The following SH3RF3 variants were observed in gnomAD, a reference collection of about 807,000 sequenced individuals.
SH3RF3 encodes the protein E3 ubiquitin-protein ligase SH3RF3.
SH3RF3 carries 29 observed loss-of-function variants against 66.3 expected under a neutral mutation model. The observed-to-expected ratio is 0.44, with a 90% CI of 0.33 to 0.60. The LOEUF is 0.60. Ranked by LOEUF, SH3RF3 falls within the 20% of genes least tolerant of loss-of-function variation. SH3RF3 has a pLI of 0.04. For missense variants in SH3RF3, 1,194 were observed against 1,190.9 expected, an observed-to-expected ratio of 1.00 and a Z score of -0.04; for synonymous variants, 583 against 532.0, an observed-to-expected ratio of 1.10 and a Z score of -1.32.
intron 1 of SH3RF3, among the ~76,000 whole-genome samples, chr2:109,285,722 C>A (rs1410638202): frequency 6.6e-6 from 1 of 152,220 alleles, no homozygotes; most frequent in Non-Finnish European, 1.5e-5. Flanking sequence ...GTCCCTGAGC[C>A]TGGTCCAGTG....
chr2:109,431,902 C>A (rs929218319), intron 5 of SH3RF3, among the ~76,000 whole-genome samples: 1 of 152,078 alleles, frequency 6.6e-6, no homozygotes, highest in Non-Finnish European at 1.5e-5. Context: ...TTAACCATAG[C>A]ACAATTACTG....
intron 1 of SH3RF3, among the ~76,000 whole-genome samples, chr2:109,238,664 A>G (rs1679705822): frequency 6.6e-6 from 1 of 152,110 alleles, no homozygotes; most frequent in South Asian, 2.1e-4. Flanking sequence ...TGAATGGAGG[A>G]GGAGAGTGCT....
chr2:109,181,309 G>A (rs530763660), intron 1 of SH3RF3, among the ~76,000 whole-genome samples: 1 of 152,328 alleles, frequency 6.6e-6, no homozygotes, highest in South Asian at 2.1e-4. Context: ...TGGTACATTT[G>A]TCAAAACTAA....
At chr2:109,179,880 T>G (rs907294930) in intron 1 of SH3RF3, among the ~76,000 whole-genome samples, 1 of 152,186 alleles carries the variant, frequency 6.6e-6, no homozygotes, top group African/African-American at 2.4e-5. Context: ...GTGCTCCTTA[T>G]CGCAGGAAAA....
intron 1 of SH3RF3, among the ~76,000 whole-genome samples, chr2:109,264,443 G>A (rs1972285): frequency 0.31 from 47,336 of 152,028 alleles, 8,319 homozygotes; most frequent in Non-Finnish European, 0.4. Flanking sequence ...CCCCAAGTCT[G>A]TGTGTGCTCC....
At chr2:109,163,390 CTTTTTTTTT>C (rs70956302) in intron 1 of SH3RF3, among the ~76,000 whole-genome samples, 8 of 70,268 alleles carry the variant, frequency 1.1e-4, no homozygotes, top group African/African-American at 4.7e-4. Flanking sequence ...AGCAAATATT[CTTTTTTTTT>C]TTTTTTTTTT....
At chr2:109,204,371 CTT>C (rs1460465956) in intron 1 of SH3RF3, among the ~76,000 whole-genome samples, 11 of 152,212 alleles carry the variant, frequency 7.2e-5, no homozygotes, top group Middle Eastern at 3.2e-3. Flanking sequence ...CTTATCTTAT[CTT>C]TTAAATCATT....
rs933224955 is a variant in SH3RF3 at position 109,502,529 on chromosome 2, C to T, written c.*858C>T. On this transcript the variant is annotated 3_prime_UTR_variant, in exon 10 of 10. Coordinates refer to ENST00000309415, the MANE Select transcript of SH3RF3 (RefSeq NM_001099289.3). Reference sequence around the variant, plus strand: ...GCTTTGGGAGAGCGCCGAGAAGCCGCCATCCCGCACCTCAGCGCTGGCCAG... The same window carrying T: ...GCTTTGGGAGAGCGCCGAGAAGCCGTCATCCCGCACCTCAGCGCTGGCCAG... The T allele has an allele frequency of 3.3e-5, 5 of 152,176 alleles. No homozygotes were observed. Among genetic ancestry groups the T allele is most frequent in the African/African-American group, 1.2e-4 (5 of 41,448 alleles). 9.4% of individuals were successfully genotyped at this position (152,176 alleles called of 1,614,324 possible).
At chr2:109,248,270 T>A (rs140971468) in intron 1 of SH3RF3, among the ~76,000 whole-genome samples, 87 of 152,368 alleles carry the variant, frequency 5.7e-4, no homozygotes, top group African/African-American at 2.0e-3. Flanking sequence ...TCAATCTTTT[T>A]CTTTTCTGAT....
chr2:109,381,866 G>A (rs1373089094), intron 3 of SH3RF3, among the ~76,000 whole-genome samples: 7 of 152,094 alleles, frequency 4.6e-5, no homozygotes, highest in Admixed American at 4.6e-4. Context: ...AGCTGTGCAT[G>A]TTTATAAGGG....
At chr2:109,207,198 G>T (rs1303406976) in intron 1 of SH3RF3, among the ~76,000 whole-genome samples, 1 of 152,168 alleles carries the variant, frequency 6.6e-6, no homozygotes, top group African/African-American at 2.4e-5. Flanking sequence ...CTCATCTTGT[G>T]CAAACAGGTC....
rs1238745131 is a variant in SH3RF3 at position 109,176,370 on chromosome 2, AGAGAACACCATGTG to A, written c.573+46258_573+46271del. ...AGCTGAGCAGCAGTGAGATACTCTG[AGAGAACACCATGTG>A]CAATGGAATGCTGTGTTTTTAGGAG... On this transcript the variant is annotated intron_variant, in intron 1 of 9. Coordinates refer to ENST00000309415, the MANE Select transcript of SH3RF3 (RefSeq NM_001099289.3). Among the ~76,000 whole-genome samples the A allele has an allele frequency of 4.8e-4, 73 of 151,982 alleles. 1 individual carries two copies. The highest frequency in any genetic ancestry group is 1.6e-4 in the Non-Finnish European group (11 of 68,044).
chr2:109,161,499 C>T (rs989815636), intron 1 of SH3RF3, among the ~76,000 whole-genome samples: 40 of 151,352 alleles, frequency 2.6e-4, no homozygotes, highest in African/African-American at 7.4e-4. Context: ...CATTACATAT[C>T]GTAAGGCGAT....
At position 109,462,072 on chromosome 2, in the gene SH3RF3, A is replaced by G. The variant is rs1188753383; in HGVS notation, c.2148+12583A>G. Among the ~76,000 whole-genome samples the G allele has an allele frequency of 2.6e-5, 4 of 151,534 alleles. No individual in the cohort carries two copies. The East Asian group carries it at 7.7e-4, about 29-fold the overall frequency. On this transcript the variant is annotated intron_variant, in intron 8 of 9. Coordinates refer to ENST00000309415, the MANE Select transcript of SH3RF3 (RefSeq NM_001099289.3). Reference sequence around the variant, plus strand: ...TAGAAGGCCTTTGAATTTTAATTCAATTTATTTCCCATCCTCTGACATGCA... The same window carrying G: ...TAGAAGGCCTTTGAATTTTAATTCAGTTTATTTCCCATCCTCTGACATGCA...
chr2:109,252,593 ATTATGTCCTGATAAACCCATCAATAG>A (rs1234469061), intron 1 of SH3RF3, among the ~76,000 whole-genome samples: 2 of 152,212 alleles, frequency 1.3e-5, no homozygotes, highest in Non-Finnish European at 2.9e-5. Flanking sequence ...GTTAAGATGG[ATTATGTCCTGATAAACCCATCAATAG>A]TTGGAAGTAT....
chr2:109,443,378 C>A (rs189882924), intron 7 of SH3RF3, among the ~76,000 whole-genome samples: 1 of 152,228 alleles, frequency 6.6e-6, no homozygotes, highest in East Asian at 1.9e-4. Flanking sequence ...CTCTGTGTGA[C>A]GCTGAAACAA....
chr2:109,359,569 A>G (rs1043103912), intron 2 of SH3RF3, among the ~76,000 whole-genome samples: 2 of 152,218 alleles, frequency 1.3e-5, no homozygotes, highest in Middle Eastern at 3.2e-3. Context: ...TGTAAATTGT[A>G]TCATGTTTTA....
intron 2 of SH3RF3, among the ~76,000 whole-genome samples, chr2:109,366,497 C>T (rs1161134160): frequency 6.6e-6 from 1 of 152,150 alleles, no homozygotes; most frequent in African/African-American, 2.4e-5. Context: ...TACGTTTATG[C>T]ACGTATACAT....
chr2:109,156,795 A>AG lies in SH3RF3; in HGVS notation c.573+26682_573+26683insG, dbSNP rs143216324. Reference sequence around the variant, plus strand: ...GTGAAGGGTTGTTGTAGGAGATAGAAACGTAGGCTCTCTGCTGACCTGATT... The same window carrying AG: ...GTGAAGGGTTGTTGTAGGAGATAGAAGACGTAGGCTCTCTGCTGACCTGATT... On this transcript the variant is annotated intron_variant, in intron 1 of 9. Transcript: ENST00000309415. Among the ~76,000 whole-genome samples the AG allele has an allele frequency of 8.0e-3, 1,224 of 152,300 alleles. 12 individuals carry two copies. The highest frequency in any genetic ancestry group is 0.04 in the East Asian group (208 of 5,174).
Sources: gnomAD v4.1 joint callset for allele counts (sites outside exome capture counted in the v4.1 genomes callset) on GRCh38, gnomAD v4.1.1 for gene constraint, MANE v1.5 for transcripts, NCBI Gene and HGNC (gene_info 2026-07-23, HGNC 2026-07-21) for gene names.